TNIK: variants seen among roughly 807,000 people sequenced by gnomAD.
The protein encoded by TNIK is TRAF2 and NCK-interacting protein kinase.
In TNIK, 49 loss-of-function variants were observed where a neutral mutation model predicts 191.3. That is an observed-to-expected ratio of 0.26 (90% CI 0.20 to 0.32). The LOEUF is 0.32. Ranked by LOEUF, TNIK falls within the 10% of genes least tolerant of loss-of-function variation. TNIK has a pLI of 1.00. For missense variants in TNIK, 1,155 were observed against 1,702.3 expected, an observed-to-expected ratio of 0.68 and a Z score of 5.66; for synonymous variants, 594 against 600.9, an observed-to-expected ratio of 0.99 and a Z score of 0.17.
chr3:171,294,662 A>G (rs1456884805), intron 2 of TNIK, among the ~76,000 whole-genome samples: 1 of 152,162 alleles, frequency 6.6e-6, no homozygotes, highest in East Asian at 1.9e-4. Flanking sequence ...CGGAGGTTGC[A>G]GTGAGCCAGG....
intron 2 of TNIK, among the ~76,000 whole-genome samples, chr3:171,273,128 C>A (rs767151350): frequency 3.9e-5 from 6 of 152,206 alleles, no homozygotes; most frequent in Non-Finnish European, 7.3e-5. Flanking sequence ...GCCACTGAGA[C>A]CTCTGTGCTG....
At chr3:171,129,881 A>G (rs576987159) in intron 15 of TNIK, among the ~76,000 whole-genome samples, 2 of 152,226 alleles carry the variant, frequency 1.3e-5, no homozygotes, top group Non-Finnish European at 2.9e-5. Context: ...GATCTTAGAC[A>G]ACTTCAAGAA....
intron 13 of TNIK, among the ~76,000 whole-genome samples, chr3:171,139,883 A>G (rs1251724282): frequency 6.6e-6 from 1 of 152,324 alleles, no homozygotes; most frequent in South Asian, 2.1e-4. Flanking sequence ...GGAATTAACA[A>G]TGCTATAAAG....
intron 2 of TNIK, among the ~76,000 whole-genome samples, chr3:171,256,591 C>T (rs1389087837): frequency 6.6e-6 from 1 of 152,112 alleles, no homozygotes; most frequent in African/African-American, 2.4e-5. Flanking sequence ...ACTGTTTTGC[C>T]CTCCAGCCAA....
At chr3:171,320,467 G>A (rs558080893) in intron 2 of TNIK, among the ~76,000 whole-genome samples, 5 of 152,282 alleles carry the variant, frequency 3.3e-5, no homozygotes, top group African/African-American at 9.6e-5. Context: ...TATGTGGAAA[G>A]AAATGTAATT....
In TNIK at chr3:171,063,767, G is replaced by A. The variant is rs531824156; in HGVS notation, c.*114C>T. ...CGGAGGGAGAGGAAAAAGGGAAAGC[G>A]ATATGTTCAACCAAGCCTTCTGATT... On this transcript the variant is annotated 3_prime_UTR_variant, in exon 33 of 33. Coordinates refer to ENST00000436636, the MANE Select transcript of TNIK (RefSeq NM_015028.4). 4.0e-6 allele frequency: 4 copies of A among 1,008,500 alleles called. No individual in the cohort carries two copies. The highest frequency in any genetic ancestry group is 2.6e-5 in the East Asian group (1 of 37,934). 62.5% of individuals were successfully genotyped at this position (1,008,500 alleles called of 1,614,324 possible). A position where few individuals can be genotyped will look rare whatever the true frequency, so the allele number is the denominator to read the frequency against.
At chr3:171,314,478 T>A (rs1560415599) in intron 2 of TNIK, among the ~76,000 whole-genome samples, 1 of 152,192 alleles carries the variant, frequency 6.6e-6, no homozygotes, top group East Asian at 1.9e-4. Context: ...TTTCTGCCTC[T>A]CTGTAATTTG....
chr3:171,280,320 C>A (rs1156744157), intron 2 of TNIK, among the ~76,000 whole-genome samples: 1 of 152,150 alleles, frequency 6.6e-6, no homozygotes, highest in Non-Finnish European at 1.5e-5. Context: ...TGAGAAAAAT[C>A]TTGGGTTCTA....
chr3:171,133,341 A>G (rs1729570510), intron 15 of TNIK, among the ~76,000 whole-genome samples: 1 of 152,238 alleles, frequency 6.6e-6, no homozygotes, highest in African/African-American at 2.4e-5. Context: ...GGGTGAAGAG[A>G]TAGGCGACGC....
chr3:171,255,665 G>A (rs1288401302), intron 2 of TNIK, among the ~76,000 whole-genome samples: 4 of 152,138 alleles, frequency 2.6e-5, no homozygotes, highest in Non-Finnish European at 4.4e-5. Context: ...GCCTGAACAC[G>A]GGCAAAGGAA....
rs539311925 is a variant in TNIK, at chr3:171,098,290, A to G, written c.2591+3159T>C. Among the ~76,000 whole-genome samples, 6 of 151,240 alleles carry G rather than the reference A, an allele frequency of 4.0e-5. No individual in the cohort carries two copies. In the South Asian group the frequency reaches 1.2e-3, roughly 31 times the overall value. ...TTTCCTTCCATTCTTTTTATTCTAT[A>G]AAGCTTTTATTTTTTTCCTGATTAT... On this transcript the variant is annotated intron_variant, in intron 22 of 32. Transcript: ENST00000436636.
chr3:171,178,178 T>C (rs1264362212), intron 7 of TNIK, among the ~76,000 whole-genome samples: 5 of 152,230 alleles, frequency 3.3e-5, no homozygotes, highest in Non-Finnish European at 7.3e-5. Context: ...TATGCTTTTA[T>C]TTCTTTTAGT....
chr3:171,170,231 C>T (rs1187052678), intron 9 of TNIK, among the ~76,000 whole-genome samples: 5 of 152,166 alleles, frequency 3.3e-5, no homozygotes, highest in African/African-American at 4.8e-5. Context: ...ATGATTGGTA[C>T]CTACAGTCTG....
At chr3:171,301,314 C>CTTTTT (rs36084093) in intron 2 of TNIK, among the ~76,000 whole-genome samples, 1 of 133,692 alleles carries the variant, frequency 7.5e-6, no homozygotes, top group African/African-American at 2.8e-5. Context: ...ACTAGCTGGA[C>CTTTTT]TTTTTTTTTT....
At chr3:171,260,874 T>C (rs1747519957) in intron 2 of TNIK, among the ~76,000 whole-genome samples, 1 of 152,356 alleles carries the variant, frequency 6.6e-6, no homozygotes, top group South Asian at 2.1e-4. Context: ...TTAAAGCTAT[T>C]CCTAAGTAAC....
intron 10 of TNIK, among the ~76,000 whole-genome samples, chr3:171,164,926 C>T (rs1457096088): frequency 6.6e-6 from 1 of 152,174 alleles, no homozygotes; most frequent in Non-Finnish European, 1.5e-5. Context: ...TTTGGCCTAG[C>T]TTCACAACAA....
chr3:171,189,589 C>G (rs1737788352), intron 6 of TNIK, among the ~76,000 whole-genome samples: 2 of 152,180 alleles, frequency 1.3e-5, no homozygotes, highest in Non-Finnish European at 2.9e-5. Context: ...TCTGCCGCTA[C>G]TAGTGGTATG....
At chr3:171,410,366 C>T (rs1350337255) in intron 1 of TNIK, among the ~76,000 whole-genome samples, 1 of 152,196 alleles carries the variant, frequency 6.6e-6, no homozygotes, top group Non-Finnish European at 1.5e-5. Context: ...ACACCTCTCT[C>T]CATACAGCCT....
Position 171,131,333 on chromosome 3 carries a change from G to A in TNIK, c.1609-2455C>T, listed in dbSNP as rs372036283. On this transcript the variant is annotated intron_variant, in intron 15 of 32. Transcript: ENST00000436636. ...AGCCTGGGCGACAGAGCGAGACTCCGTCTCAAAAAAAAAAAAAAAAAAAAA... is the reference window on the plus strand; with the variant it reads ...AGCCTGGGCGACAGAGCGAGACTCCATCTCAAAAAAAAAAAAAAAAAAAAA... Among the ~76,000 whole-genome samples the A allele has an allele frequency of 3.1e-4, 14 of 45,828 alleles. No homozygotes were observed. In the South Asian group the frequency reaches 6.1e-3, roughly 20 times the overall value. 30.1% of individuals were successfully genotyped at this position (45,828 alleles called of 152,430 possible).
Sources: gnomAD v4.1 joint callset for allele counts (sites outside exome capture counted in the v4.1 genomes callset) on GRCh38, gnomAD v4.1.1 for gene constraint, MANE v1.5 for transcripts, NCBI Gene and HGNC (gene_info 2026-07-23, HGNC 2026-07-21) for gene names.